CDHR2: variants seen among roughly 807,000 people sequenced by gnomAD.
The protein encoded by CDHR2 is cadherin related family member 2.
CDHR2 carries 104 observed loss-of-function variants against 138.6 expected under a neutral mutation model. That is an observed-to-expected ratio of 0.75 (90% CI 0.64 to 0.88). The LOEUF (loss-of-function observed/expected upper bound fraction) is 0.88, where lower values mean the gene tolerates loss of function less well. Among genes scored for constraint, CDHR2 ranks in the 40% least tolerant of loss-of-function variants. The pLI, the probability that CDHR2 is intolerant of heterozygous loss-of-function variation, is 0.00. For missense variants in CDHR2, 1,624 were observed against 1,727.6 expected (o/e 0.94, Z 1.06); for synonymous variants, 755 against 742.8 (o/e 1.02, Z -0.27).
Position 176,553,907 on chromosome 5 carries a change from G to C in CDHR2, c.-16+4493G>C, listed in dbSNP as rs146607697. On this transcript the variant is annotated intron_variant, in intron 1 of 31. Coordinates refer to ENST00000261944, the MANE Select transcript of CDHR2 (RefSeq NM_017675.6). This position sits in a 1 kb window ranked among gnomAD's most constrained non-coding sequence, Gnocchi z 4.3. ...TGCCTCCATGACCACCTCACTCACT[G>C]CCCTTGACTCCAGCGCTATGATGTC... 2.2e-3 allele frequency among the ~76,000 whole-genome samples: 336 copies of C among 152,306 alleles called. 1 individual carries two copies. Among genetic ancestry groups the C allele is most frequent in the African/African-American group, 7.7e-3 (320 of 41,574 alleles).
intron 1 of CDHR2, among the ~76,000 whole-genome samples, chr5:176,550,276 C>T (rs1323800779): frequency 1.3e-5 from 2 of 152,248 alleles, no homozygotes; most frequent in Non-Finnish European, 2.9e-5. Flanking sequence ...TGGGGTTGCA[C>T]AACAAATATG....
At chr5:176,592,135 GTGA>G (rs1027903161) in intron 30 of CDHR2, among the ~76,000 whole-genome samples, 3 of 128,878 alleles carry the variant, frequency 2.3e-5, no homozygotes, top group African/African-American at 6.0e-5. Context: ...GGTGATGGTG[GTGA>G]TGATGGTGAT....
intron 5 of CDHR2, 87 bp from the exon 6 acceptor site, chr5:176,571,126 G>A (rs1371566102): frequency 3.9e-6 from 3 of 765,096 alleles, no homozygotes; most frequent in South Asian, 2.9e-5. Context: ...TCTGGATGAA[G>A]GACACCAGCT....
intron 7 of CDHR2, 42 bp from the exon 8 acceptor site, chr5:176,575,042 G>A: frequency 6.2e-7 from 1 of 1,611,770 alleles, no homozygotes; most frequent in South Asian, 1.1e-5. Context: ...CTCGGTGCAG[G>A]GCTGTCCCTA....
At chr5:176,578,315 G>A (rs1266522472) in intron 15 of CDHR2, 50 bp from the exon 16 acceptor site, 1 of 1,548,278 alleles carries the variant, frequency 6.5e-7, no homozygotes, top group Non-Finnish European at 8.8e-7. Flanking sequence ...AATTCACACT[G>A]AAATGGGCAT....
At chr5:176,544,346 T>C (rs1181544176), upstream of CDHR2, among the ~76,000 whole-genome samples, 1 of 147,404 alleles carries the variant, frequency 6.8e-6, no homozygotes, top group African/African-American at 2.5e-5. Flanking sequence ...CCTTCCTTTC[T>C]TTTTTCTTTT....
At chr5:176,546,294 A>C (rs1424255885), upstream of CDHR2, among the ~76,000 whole-genome samples, 1 of 152,136 alleles carries the variant, frequency 6.6e-6, no homozygotes, top group Non-Finnish European at 1.5e-5. Flanking sequence ...TAATCTGTCT[A>C]AGGTCTATTT....
In CDHR2 at chr5:176,584,804, G is replaced by A; in HGVS notation, c.2523G>A (p.Gln841=). Residue 841 remains glutamine (Q), a synonymous_variant, in exon 19 of 32, where the codon CAG becomes CAA. Transcript: ENST00000261944. ...CCTCGGATGTGGACACCAGTGCCCA[G>A]CTGGAGATACAGCTTGTGAACATTC... The part of the protein sequence containing the change: ...VVASDVDTSA[Q]LEIQLVNILC... 2 of 1,614,204 alleles carry A rather than the reference G, an allele frequency of 1.2e-6. No individual in the cohort carries two copies. The highest frequency in any genetic ancestry group is 1.7e-6 in the Non-Finnish European group (2 of 1,180,030).
Position 176,584,878 on chromosome 5 carries a change from T to G in CDHR2, c.2597T>G (p.Phe866Cys). ...VDVGSLCWGW[F>C]SVAANGSVYI... The stretch of plus-strand genomic sequence containing the variant: ...GTGGGCAGCCTATGCTGGGGCTGGT[T>G]CTCAGTGGCGGCCAACGGCTCTGTG... The change falls in exon 19 of 32, where the codon TTC (phenylalanine) becomes TGC (cysteine). Residue 866 changes from phenylalanine to cysteine, a missense_variant. By Grantham distance (205) the Phe-to-Cys change is radical. Around this residue, in one of 3 missense-constraint regions of CDHR2, gnomAD observed 7 missense variants for 25.4 expected, o/e 0.28. Coordinates refer to ENST00000261944, the MANE Select transcript of CDHR2 (RefSeq NM_017675.6). 6.2e-7 allele frequency: 1 copy of G among 1,614,062 alleles called. No homozygotes were observed. The highest frequency in any genetic ancestry group is 8.5e-7 in the Non-Finnish European group (1 of 1,179,982).
chr5:176,595,537 C>A lies in CDHR2; in HGVS notation c.3798C>A (p.His1266Gln). ...TCCTCTCCCTCTCCCTGCAGGAGCA[C>A]AGGCCACCACACACACCACCAGAGC... ...VDKNSQEIKE[H>Q]RPPHTPPEPD... is the part of the protein sequence containing the mutation. The change falls in exon 32 of 32, where the codon CAC becomes CAA. Residue 1266 changes from histidine (H) to glutamine (Q), a missense_variant. Coordinates refer to ENST00000261944, the MANE Select transcript of CDHR2 (RefSeq NM_017675.6). 1.3e-6 allele frequency: 2 copies of A among 1,597,598 alleles called. No individual in the cohort carries two copies. The highest frequency in any genetic ancestry group is 1.7e-6 in the Non-Finnish European group (2 of 1,171,570).
chr5:176,571,180 T>A, intron 5 of CDHR2, 33 bp from the exon 6 acceptor site: 1 of 1,501,094 alleles, frequency 6.7e-7, no homozygotes, highest in South Asian at 1.1e-5. Flanking sequence ...TAAATCCTAT[T>A]TTCTGGGGTC....
chr5:176,589,997 A>G, intron 24 of CDHR2, 81 bp from the exon 25 acceptor site: 1 of 1,148,958 alleles, frequency 8.7e-7, no homozygotes. Context: ...CACTCATACA[A>G]TTCTTAATCC....
chr5:176,586,074 C>A (rs762955679), intron 20 of CDHR2, 49 bp downstream of exon 20: 4 of 1,507,926 alleles, frequency 2.7e-6, no homozygotes, highest in Non-Finnish European at 3.7e-6. Context: ...CATAAGGCCG[C>A]CTTTGAGCAA....
Position 176,581,564 on chromosome 5 carries a change from T to C in CDHR2, c.2040T>C (p.Asn680=), listed in dbSNP as rs1758533114. Residue 680 remains asparagine, a synonymous_variant, in exon 17 of 32, where the codon AAT becomes AAC. Transcript: ENST00000261944. The part of the protein sequence containing the change: ...CGEPVLGTKV[N]VTITVEDIND... Reference sequence around the variant, plus strand: ...AGCCTGTCCTCGGCACCAAAGTCAATGTCACCATCACTGTGGAGGTAAGGC... The same window carrying C: ...AGCCTGTCCTCGGCACCAAAGTCAACGTCACCATCACTGTGGAGGTAAGGC... The C allele has an allele frequency of 1.2e-6, 2 of 1,613,882 alleles. No individual in the cohort carries two copies. The highest frequency in any genetic ancestry group is 1.6e-4 in the Middle Eastern group (1 of 6,062).
Position 176,578,604 on chromosome 5 carries a change from TC to T in CDHR2, c.1816del (p.Gln606ArgfsTer58). ...GAGGAGGGCAATGTCTCCGTGACCATCCAGGTGTGAGCCTGCCTGGACCTGG... is the reference window on the plus strand; with the variant it reads ...GAGGAGGGCAATGTCTCCGTGACCATCAGGTGTGAGCCTGCCTGGACCTGG... ...QEEEGNVSVT[I>X]QAHDNDEPGT... On this transcript the variant is annotated frameshift_variant, in exon 16 of 32. Coordinates refer to ENST00000261944, the MANE Select transcript of CDHR2 (RefSeq NM_017675.6). LOFTEE classifies it high-confidence loss of function. The T allele has an allele frequency of 6.2e-7, 1 of 1,610,282 alleles. No homozygotes were observed.
At chr5:176,549,182 T>G (rs144659467), upstream of CDHR2, among the ~76,000 whole-genome samples, 735 of 152,314 alleles carry the variant, frequency 4.8e-3, 8 homozygotes, top group Non-Finnish European at 4.8e-3. Flanking sequence ...CGCCAGGAGC[T>G]CTGGCGCCTT....
chr5:176,590,349 G>A lies in CDHR2; in HGVS notation c.3353+19G>A. The A allele has an allele frequency of 6.2e-7, 1 of 1,614,178 alleles. No individual in the cohort carries two copies. The highest frequency in any genetic ancestry group is 1.1e-5 in the South Asian group (1 of 91,084). ...TGAGTGTGTGAGTGGGGCTGCCCTTGGGGCAGGTGTGAGGGTGAGCAGGAA... is the reference window on the plus strand; with the variant it reads ...TGAGTGTGTGAGTGGGGCTGCCCTTAGGGCAGGTGTGAGGGTGAGCAGGAA... On this transcript the variant is annotated intron_variant, in intron 26 of 31. Transcript: ENST00000261944.
At chr5:176,592,873 T>C in intron 31 of CDHR2, 93 bp downstream of exon 31, 1 of 1,090,604 alleles carries the variant, frequency 9.2e-7, no homozygotes, top group East Asian at 2.4e-5. Flanking sequence ...GCTACTGACA[T>C]GGGCAGTTCT....
At chr5:176,582,911 T>C (rs1758563094) in intron 17 of CDHR2, among the ~76,000 whole-genome samples, 1 of 152,196 alleles carries the variant, frequency 6.6e-6, no homozygotes, top group Non-Finnish European at 1.5e-5. Context: ...GGAACAGTAT[T>C]GTGACAAATG....
Sources: gnomAD v4.1 joint callset for allele counts (sites outside exome capture counted in the v4.1 genomes callset) on GRCh38, gnomAD v4.1.1 for gene constraint, gnomAD v4.1.1 regional missense constraint, Gnocchi (gnomAD v3.1) non-coding constraint, MANE v1.5 for transcripts, NCBI Gene and HGNC (gene_info 2026-07-23, HGNC 2026-07-21) for gene names.